Variants in RAB23 observed in about 807,000 individuals in gnomAD.
RAB23 encodes the protein ras-related protein Rab-23.
RAB23 carries 15 observed loss-of-function variants against 30.0 expected under a neutral mutation model. The observed-to-expected ratio is 0.50, with a 90% CI of 0.33 to 0.77. RAB23 has a LOEUF of 0.77. Among genes scored for constraint, RAB23 ranks in the 30% least tolerant of loss-of-function variants. The pLI is 0.02. For synonymous variants in RAB23, 93 were observed against 94.0 expected (o/e 0.99, Z 0.06); for missense variants, 243 against 275.4 (o/e 0.88, Z 0.83).
chr6:57,193,780 A>G, intron 6 of RAB23, 62 bp downstream of exon 6: 2 of 1,573,704 alleles, frequency 1.3e-6, no homozygotes, highest in Non-Finnish European at 1.7e-6. Flanking sequence ...AGAAATGAGC[A>G]TATTATATGT....
chr6:57,194,059 T>C, intron 5 of RAB23, 125 bp from the exon 6 acceptor site: 3 of 1,391,770 alleles, frequency 2.2e-6, no homozygotes, highest in Non-Finnish European at 1.9e-6. Context: ...GAGCATACAA[T>C]CTAGTTAAAA....
chr6:57,187,991 A>G lies in RAB23; in HGVS notation c.*2470T>C, dbSNP rs1764673665. The stretch of plus-strand genomic sequence containing the variant: ...ATTTAATTCATAGACAGAGACTGGA[A>G]AAGGAAAAGGAAACCTGAGGAACTC... On this transcript the variant is annotated 3_prime_UTR_variant, in exon 7 of 7. Coordinates refer to ENST00000468148, the MANE Select transcript of RAB23 (RefSeq NM_016277.5). 1 of 152,154 alleles carries G rather than the reference A, an allele frequency of 6.6e-6. No individual in the cohort carries two copies. The highest frequency in any genetic ancestry group is 1.5e-5 in the Non-Finnish European group (1 of 68,022). 9.4% of individuals were successfully genotyped at this position (152,154 alleles called of 1,614,324 possible).
chr6:57,200,540 A>AC (rs1458566427), intron 3 of RAB23, among the ~76,000 whole-genome samples: 1 of 150,422 alleles, frequency 6.6e-6, no homozygotes, highest in Admixed American at 6.6e-5. Context: ...CTGTCTCAAA[A>AC]AAAAAAAAAA....
chr6:57,192,504 C>T (rs151166819), intron 6 of RAB23, among the ~76,000 whole-genome samples: 40 of 152,300 alleles, frequency 2.6e-4, no homozygotes, highest in African/African-American at 8.7e-4. Context: ...AAAGGAAGGA[C>T]AGATTGCATC....
chr6:57,213,214 C>T lies in RAB23; in HGVS notation c.-65-2769G>A, dbSNP rs541533012. On this transcript the variant is annotated intron_variant, in intron 1 of 6. Coordinates refer to ENST00000468148, the MANE Select transcript of RAB23 (RefSeq NM_016277.5). Reference sequence around the variant, plus strand: ...ATGCTGCTGCTGATTTGACAGGAGGCGGAGCTCAGGCGGTAATGCTCGCAG... The same window carrying T: ...ATGCTGCTGCTGATTTGACAGGAGGTGGAGCTCAGGCGGTAATGCTCGCAG... 1.6e-4 allele frequency among the ~76,000 whole-genome samples: 24 copies of T among 152,232 alleles called. No homozygotes were observed. The East Asian group carries it at 2.9e-3, about 18-fold the overall frequency.
At chr6:57,203,724 A>T (rs1319461219) in intron 3 of RAB23, among the ~76,000 whole-genome samples, 2 of 152,224 alleles carry the variant, frequency 1.3e-5, no homozygotes, top group Non-Finnish European at 2.9e-5. Context: ...CATCTACTTG[A>T]ATGACAGAGG....
intron 3 of RAB23, among the ~76,000 whole-genome samples, chr6:57,200,557 A>G (rs1765216416): frequency 6.6e-6 from 1 of 151,430 alleles, no homozygotes; most frequent in Admixed American, 6.6e-5. Flanking sequence ...AAAAAAAAAA[A>G]AGAATTTTTT....
At chr6:57,214,493 A>G (rs1298365988) in intron 1 of RAB23, among the ~76,000 whole-genome samples, 3 of 152,074 alleles carry the variant, frequency 2.0e-5, no homozygotes, top group Non-Finnish European at 1.5e-5. Context: ...TTGTAGAGAC[A>G]GGGTTTTGCC....
intron 4 of RAB23, 50 bp from the exon 5 acceptor site, chr6:57,194,902 C>T: frequency 7.2e-7 from 1 of 1,393,380 alleles, no homozygotes; most frequent in Non-Finnish European, 1.0e-6. Context: ...CTTCTGATAG[C>T]TTGTTTTTTA....
rs74985440 is a variant in RAB23, at chr6:57,207,849, A to G, written c.156-136T>C. 230 of 640,468 alleles carry G rather than the reference A, an allele frequency of 3.6e-4. 1 individual carries two copies. The East Asian group carries it at 6.1e-3, about 17-fold the overall frequency. 39.7% of individuals were successfully genotyped at this position (640,468 alleles called of 1,614,324 possible). The stretch of plus-strand genomic sequence containing the variant: ...CCTTGACTTATGATGGGTTGTCCCA[A>G]TAAACCTACTGGGGGTTACATCCTG... On this transcript the variant is annotated intron_variant, in intron 2 of 6. Transcript: ENST00000468148.
Position 57,187,420 on chromosome 6 carries a change from T to G in RAB23, c.*3041A>C, listed in dbSNP as rs1368105261. 1 of 151,954 alleles carries G rather than the reference T, an allele frequency of 6.6e-6. No homozygotes were observed. Among genetic ancestry groups the G allele is most frequent in the East Asian group, 1.9e-4 (1 of 5,194 alleles). 9.4% of individuals were successfully genotyped at this position (151,954 alleles called of 1,614,324 possible). ...GTTTTATAGCTGAAAACCTAAGGAG[T>G]GACAATAGTACATGTGACATTCTTA... is the stretch of plus-strand genomic sequence containing the variant. On this transcript the variant is annotated 3_prime_UTR_variant, in exon 7 of 7. Coordinates refer to ENST00000468148, the MANE Select transcript of RAB23 (RefSeq NM_016277.5).
rs1764742483 is a variant in RAB23, at chr6:57,189,366, G to A, written c.*1095C>T. The A allele has an allele frequency of 6.6e-6, 1 of 152,170 alleles. No homozygotes were observed. The highest frequency in any genetic ancestry group is 2.4e-5 in the African/African-American group (1 of 41,446). 9.4% of individuals were successfully genotyped at this position (152,170 alleles called of 1,614,324 possible). On this transcript the variant is annotated 3_prime_UTR_variant, in exon 7 of 7. Transcript: ENST00000468148. ...TTATAAAATATGTAATTTTAGTTAA[G>A]ACTAATAATAATATTTTTGTGCACT...
rs1491243642 is a variant in RAB23, at chr6:57,188,678, CTA to C, written c.*1781_*1782del. 2.6e-5 allele frequency: 4 copies of C among 152,152 alleles called. No homozygotes were observed. Among genetic ancestry groups the C allele is most frequent in the African/African-American group, 9.7e-5 (4 of 41,436 alleles). The allele number at this position is 152,152 out of a possible 1,614,324, so 9.4% of individuals were successfully genotyped here. A position where few individuals can be genotyped will look rare whatever the true frequency, so the allele number is the denominator to read the frequency against. On this transcript the variant is annotated 3_prime_UTR_variant, in exon 7 of 7. Coordinates refer to ENST00000468148, the MANE Select transcript of RAB23 (RefSeq NM_016277.5). ...AATTTTGCCCCCAAAACCTATGTCACTATCAGCAATGGGAGTGGTGACAACTG... is the reference window on the plus strand; with the variant it reads ...AATTTTGCCCCCAAAACCTATGTCACTCAGCAATGGGAGTGGTGACAACTG...
chr6:57,189,070 AAAT>A lies in RAB23; in HGVS notation c.*1388_*1390del, dbSNP rs1249868276. On this transcript the variant is annotated 3_prime_UTR_variant, in exon 7 of 7. Transcript: ENST00000468148. ...TTGAAAGGGGTTATTTATAGGTTAA[AAAT>A]AAAGCCATTGATGAGTGATAATCAG... 1 of 152,230 alleles carries A rather than the reference AAAT, an allele frequency of 6.6e-6. No homozygotes were observed. Among genetic ancestry groups the A allele is most frequent in the Non-Finnish European group, 1.5e-5 (1 of 68,032 alleles). 9.4% of individuals were successfully genotyped at this position (152,230 alleles called of 1,614,324 possible).
In RAB23 at chr6:57,188,794, A is replaced by T. The variant is rs1764716440; in HGVS notation, c.*1667T>A. ...ATGAAAAGCAAAAATTTACTTTTTA[A>T]TTTTTTTTATTTTTCCATCTAAAAT... On this transcript the variant is annotated 3_prime_UTR_variant, in exon 7 of 7. Transcript: ENST00000468148. 1 of 152,080 alleles carries T rather than the reference A, an allele frequency of 6.6e-6. No homozygotes were observed. Among genetic ancestry groups the T allele is most frequent in the East Asian group, 1.9e-4 (1 of 5,200 alleles). The allele number at this position is 152,080 out of a possible 1,614,324, so 9.4% of individuals were successfully genotyped here.
chr6:57,192,071 C>T (rs1452637448), intron 6 of RAB23, among the ~76,000 whole-genome samples: 3 of 151,816 alleles, frequency 2.0e-5, no homozygotes, highest in Non-Finnish European at 4.4e-5. Context: ...CTCAAACTGT[C>T]GGCCTCAAGC....
chr6:57,210,520 TATCAC>T, intron 1 of RAB23, 75 bp from the exon 2 acceptor site: 1 of 956,790 alleles, frequency 1.0e-6, no homozygotes, highest in Non-Finnish European at 1.6e-6. Flanking sequence ...ATCAAGAAAT[TATCAC>T]ATTGCATTGC....
chr6:57,189,380 T>A lies in RAB23; in HGVS notation c.*1081A>T, dbSNP rs1486557685. The A allele has an allele frequency of 6.6e-6, 1 of 152,228 alleles. No homozygotes were observed. The highest frequency in any genetic ancestry group is 2.4e-5 in the African/African-American group (1 of 41,462). 9.4% of individuals were successfully genotyped at this position (152,228 alleles called of 1,614,324 possible). A position where few individuals can be genotyped will look rare whatever the true frequency, so the allele number is the denominator to read the frequency against. On this transcript the variant is annotated 3_prime_UTR_variant, in exon 7 of 7. Transcript: ENST00000468148. ...ATTTTAGTTAAGACTAATAATAATA[T>A]TTTTGTGCACTTTAAAAATGGTTAG...
At position 57,210,451 on chromosome 6, in the gene RAB23, G is replaced by GGAGGGGGCGCCGGGCTGGCGC; in HGVS notation, c.-65-7_-65-6insGCGCCAGCCCGGCGCCCCCTC. 6.8e-7 allele frequency: 1 copy of GGAGGGGGCGCCGGGCTGGCGC among 1,473,012 alleles called. No homozygotes were observed. Among genetic ancestry groups the GGAGGGGGCGCCGGGCTGGCGC allele is most frequent in the Non-Finnish European group, 9.5e-7 (1 of 1,057,556 alleles). The allele number at this position is 1,473,012 out of a possible 1,614,324, so 91.2% of individuals were successfully genotyped here. On this transcript the variant is annotated splice_polypyrimidine_tract_variant and splice_region_variant and intron_variant, in intron 1 of 6. Transcript: ENST00000468148. ...TCAGATCTTCCCTCTCAAATCTGTG[G>GGAGGGGGCGCCGGGCTGGCGC]TTTAAAATGAAATTATTTTTTCATA... is the stretch of plus-strand genomic sequence containing the variant.
Sources: gnomAD v4.1 joint callset for allele counts (sites outside exome capture counted in the v4.1 genomes callset) on GRCh38, gnomAD v4.1.1 for gene constraint, MANE v1.5 for transcripts, NCBI Gene and HGNC (gene_info 2026-07-23, HGNC 2026-07-21) for gene names.